The following ZNF385D variants were observed in gnomAD, a reference collection of about 807,000 sequenced individuals.
ZNF385D encodes the protein zinc finger protein 385D, also known as zinc finger protein 659.
Under a neutral mutation model 35.8 loss-of-function variants are expected in ZNF385D, and 15 were observed. That is an observed-to-expected ratio of 0.42 (90% CI 0.28 to 0.64). ZNF385D has a LOEUF of 0.64. Ranked by LOEUF, ZNF385D falls within the 30% of genes least tolerant of loss-of-function variation. The pLI is 0.23. For synonymous variants in ZNF385D, 212 were observed against 186.8 expected (o/e 1.13, Z -1.10); for missense variants, 474 against 494.6 (o/e 0.96, Z 0.39).
chr3:22,009,978 A>C (rs187081362), intron 3 of ZNF385D, among the ~76,000 whole-genome samples: 211 of 152,270 alleles, frequency 1.4e-3, no homozygotes, highest in Middle Eastern at 3.4e-3. Flanking sequence ...AGTAGGAAGG[A>C]CATAAAAAGG....
At chr3:22,109,705 A>C (rs1276125914) in intron 3 of ZNF385D, among the ~76,000 whole-genome samples, 1 of 152,152 alleles carries the variant, frequency 6.6e-6, no homozygotes, top group African/African-American at 2.4e-5. Flanking sequence ...TATTTAGGAT[A>C]GTTCAACTCT....
chr3:22,344,994 T>C (rs1695593512), intron 2 of ZNF385D, among the ~76,000 whole-genome samples: 1 of 152,160 alleles, frequency 6.6e-6, no homozygotes, highest in Admixed American at 6.5e-5. Context: ...TATGATTCAG[T>C]CATGGGTGAT....
intron 3 of ZNF385D, among the ~76,000 whole-genome samples, chr3:22,094,956 A>G (rs1207222418): frequency 6.6e-6 from 1 of 151,810 alleles, no homozygotes; most frequent in Non-Finnish European, 1.5e-5. Flanking sequence ...CCCAAGGTGG[A>G]GTATAGTGGC....
intron 3 of ZNF385D, among the ~76,000 whole-genome samples, chr3:22,143,994 A>G (rs1022407765): frequency 6.6e-6 from 1 of 152,186 alleles, no homozygotes. Context: ...GCTACATTTC[A>G]TGTTATCTTT....
chr3:22,276,168 GAATT>G (rs1701417024), intron 2 of ZNF385D, among the ~76,000 whole-genome samples: 1 of 152,050 alleles, frequency 6.6e-6, no homozygotes, highest in South Asian at 2.1e-4. Flanking sequence ...TATTTATTAT[GAATT>G]AATTTAAATT....
At chr3:21,870,764 C>A (rs1697648235) in intron 3 of ZNF385D, among the ~76,000 whole-genome samples, 1 of 152,098 alleles carries the variant, frequency 6.6e-6, no homozygotes, top group African/African-American at 2.4e-5. Context: ...GCTCTGTGAA[C>A]TGGCTGTTAG....
rs530829908 is a variant in ZNF385D, at chr3:22,106,696, G to T, written c.325+62121C>A. 4.1e-4 allele frequency among the ~76,000 whole-genome samples: 62 copies of T among 152,286 alleles called. 2 individuals carry two copies. The South Asian group carries it at 0.011, about 28-fold the overall frequency. ...ACCTCTTACCTACTACTTGTTGGTT[G>T]TAACCCTTGGAGTTGAACCTGTCTT... On this transcript the variant is annotated intron_variant, in intron 3 of 5. Coordinates refer to the ZNF385D transcript ENST00000494108.
intron 2 of ZNF385D, among the ~76,000 whole-genome samples, chr3:22,327,392 G>A (rs927631344): frequency 1.3e-5 from 2 of 152,150 alleles, no homozygotes; most frequent in Non-Finnish European, 2.9e-5. Context: ...GCCTATCGGT[G>A]TCCTACACTC....
intron 2 of ZNF385D, among the ~76,000 whole-genome samples, chr3:22,361,478 G>A (rs1396597750): frequency 6.6e-6 from 1 of 152,032 alleles, no homozygotes; most frequent in Non-Finnish European, 1.5e-5. Context: ...ATAAAAGTAG[G>A]TTATCTTCAC....
At position 21,546,634 on chromosome 3, in the gene ZNF385D, A is replaced by G. The variant is rs115998394; in HGVS notation, c.276+17940T>C. 7.7e-3 allele frequency among the ~76,000 whole-genome samples: 1,164 copies of G among 151,954 alleles called. 9 individuals are homozygous for G. The highest frequency in any genetic ancestry group is 0.026 in the African/African-American group (1,095 of 41,442). On this transcript the variant is annotated intron_variant, in intron 3 of 7. Coordinates refer to ENST00000281523, the MANE Select transcript of ZNF385D (RefSeq NM_024697.3). ...TAGGAAAGAGAACTGGATCTAAGGGATCCAGAGGCAAGCAGAGGTTAAAAG... is the reference window on the plus strand; with the variant it reads ...TAGGAAAGAGAACTGGATCTAAGGGGTCCAGAGGCAAGCAGAGGTTAAAAG...
chr3:22,017,829 T>C (rs1453439314), intron 3 of ZNF385D, among the ~76,000 whole-genome samples: 3 of 151,982 alleles, frequency 2.0e-5, no homozygotes, highest in African/African-American at 4.8e-5. Context: ...TCTATACATA[T>C]TTGGATCTAT....
At chr3:22,129,708 C>A (rs902248167) in intron 3 of ZNF385D, among the ~76,000 whole-genome samples, 1 of 151,978 alleles carries the variant, frequency 6.6e-6, no homozygotes, top group African/African-American at 2.4e-5. Context: ...AGGACTCAGT[C>A]TGTTTTTTCA....
chr3:21,604,482 C>G (rs1196202210), intron 2 of ZNF385D, among the ~76,000 whole-genome samples: 1 of 152,074 alleles, frequency 6.6e-6, no homozygotes, highest in African/African-American at 2.4e-5. Flanking sequence ...AAGAGGAATA[C>G]TTAGTTTTGG....
At chr3:21,858,905 C>G (rs1348932329) in intron 3 of ZNF385D, among the ~76,000 whole-genome samples, 1 of 152,060 alleles carries the variant, frequency 6.6e-6, no homozygotes, top group African/African-American at 2.4e-5. Context: ...AATCCGATAA[C>G]AGGTCCAATC....
intron 2 of ZNF385D, among the ~76,000 whole-genome samples, chr3:22,213,495 T>G (rs2125265518): frequency 6.6e-6 from 1 of 152,202 alleles, no homozygotes; most frequent in African/African-American, 2.4e-5. Flanking sequence ...TCGTGTCAAC[T>G]TCTAATTAAA....
At chr3:22,170,470 T>A (rs967300794) in intron 2 of ZNF385D, among the ~76,000 whole-genome samples, 3 of 152,220 alleles carry the variant, frequency 2.0e-5, no homozygotes, top group Non-Finnish European at 4.4e-5. Flanking sequence ...GAAGTCACTA[T>A]CCAAATTCCA....
chr3:21,788,432 T>C (rs140177259), intron 3 of ZNF385D, among the ~76,000 whole-genome samples: 2,222 of 152,240 alleles, frequency 0.015, 59 homozygotes, highest in African/African-American at 0.05. Context: ...GAGCTGAGAC[T>C]GCACCCACTG....
At chr3:22,279,305 A>G (rs1019491369) in intron 2 of ZNF385D, among the ~76,000 whole-genome samples, 2 of 151,840 alleles carry the variant, frequency 1.3e-5, no homozygotes, top group East Asian at 3.9e-4. Flanking sequence ...CATCATTCTT[A>G]TGCCTTTCCG....
chr3:21,788,706 T>C (rs2071801698), intron 3 of ZNF385D, among the ~76,000 whole-genome samples: 1 of 152,206 alleles, frequency 6.6e-6, no homozygotes, highest in South Asian at 2.1e-4. Context: ...TTTAAAAGAA[T>C]AAACTCCTCC....
Sources: gnomAD v4.1 joint callset for allele counts (sites outside exome capture counted in the v4.1 genomes callset) on GRCh38, gnomAD v4.1.1 for gene constraint, MANE v1.5 for transcripts, NCBI Gene and HGNC (gene_info 2026-07-23, HGNC 2026-07-21) for gene names.